Variants in SLFN12 observed in about 807,000 individuals in gnomAD.
SLFN12 encodes ribonuclease SLFN12.
A neutral mutation model predicts 29.1 loss-of-function variants in SLFN12; 25 were observed. That is an observed-to-expected ratio of 0.86 (90% CI 0.63 to 1.20). The LOEUF is 1.20. Among genes scored for constraint, SLFN12 ranks in the 50% most tolerant of loss-of-function variants. The probability of loss-of-function intolerance (pLI) is 0.00; values close to 1 mark genes in which losing one functional copy is unlikely to be tolerated. For missense variants in SLFN12, 660 were observed against 666.2 expected, an observed-to-expected ratio of 0.99 and a Z score of 0.10; for synonymous variants, 257 against 238.7, an observed-to-expected ratio of 1.08 and a Z score of -0.71.
intron 1 of SLFN12, among the ~76,000 whole-genome samples, chr17:35,425,201 G>A (rs139597045): frequency 6.6e-6 from 1 of 152,254 alleles, no homozygotes; most frequent in East Asian, 1.9e-4. Context: ...AAAGGCTGAG[G>A]TGGGAGGATC....
At chr17:35,421,898 G>A in intron 2 of SLFN12, 92 bp downstream of exon 2, 26 of 1,463,098 alleles carry the variant, frequency 1.8e-5, no homozygotes, top group Non-Finnish European at 2.4e-5. Context: ...GCTGAAATTT[G>A]AGGACTATTG....
intron 1 of SLFN12, among the ~76,000 whole-genome samples, chr17:35,428,195 G>A (rs763396589): frequency 1.9e-4 from 29 of 152,116 alleles, no homozygotes; most frequent in Non-Finnish European, 3.4e-4. Context: ...ACTGTATCAA[G>A]TGACAAAAAC....
chr17:35,431,856 A>G (rs568647868), intron 1 of SLFN12: 1 of 152,268 alleles, frequency 6.6e-6, no homozygotes, highest in East Asian at 1.9e-4. Flanking sequence ...GAAGAATTTA[A>G]CATAAGGAAA....
At chr17:35,414,346 A>T (rs1911200915) in intron 3 of SLFN12, among the ~76,000 whole-genome samples, 1 of 152,112 alleles carries the variant, frequency 6.6e-6, no homozygotes, top group African/African-American at 2.4e-5. Context: ...AAAGAAATCA[A>T]GAAAACACTC....
chr17:35,419,539 C>A (rs1197935054), intron 3 of SLFN12, among the ~76,000 whole-genome samples: 1 of 151,854 alleles, frequency 6.6e-6, no homozygotes, highest in East Asian at 1.9e-4. Context: ...CAATCAATAA[C>A]CAGGGAAATG....
At chr17:35,427,371 C>A (rs537882571) in intron 1 of SLFN12, among the ~76,000 whole-genome samples, 14 of 152,096 alleles carry the variant, frequency 9.2e-5, no homozygotes, top group Non-Finnish European at 1.9e-4. Context: ...TTTCTGACAT[C>A]ATTCCTGTCA....
chr17:35,421,965 C>T, intron 2 of SLFN12, 25 bp downstream of exon 2: 1 of 1,603,702 alleles, frequency 6.2e-7, no homozygotes, highest in Non-Finnish European at 8.5e-7. Context: ...AAATGCATTC[C>T]TGTTGCGAAT....
chr17:35,421,375 G>C (rs1383734459), intron 2 of SLFN12, among the ~76,000 whole-genome samples: 1 of 151,466 alleles, frequency 6.6e-6, no homozygotes, highest in African/African-American at 2.4e-5. Context: ...AGGATTAAAC[G>C]GGGTTTCCTT....
At position 35,422,961 on chromosome 17, in the gene SLFN12, A is replaced by G. The variant is rs867698547; in HGVS notation, c.68T>C (p.Leu23Pro). 4 of 1,613,622 alleles carry G rather than the reference A, an allele frequency of 2.5e-6. 1 individual carries two copies. The South Asian group carries it at 3.3e-5, about 13-fold the overall frequency. ...CATTTTTTTCCTACTGTTCTCTCCAAGAGTGACTCTTCCCACATCTAGAAC... is the reference window on the plus strand; with the variant it reads ...CATTTTTTTCCTACTGTTCTCTCCAGGAGTGACTCTTCCCACATCTAGAAC... ...ELVLDVGRVT[L>P]GENSRKKMKD... Residue 23 changes from leucine to proline, a missense_variant, in exon 2 of 4, where the codon CTT (leucine) becomes CCT (proline). Leu to Pro is a moderately conservative substitution (Grantham distance 98). Transcript: ENST00000304905.
Position 35,422,361 on chromosome 17 carries a change from G to T in SLFN12, c.668C>A (p.Pro223His). ...ATTTGCAAATGCAGAAACATATTGAGGGAGAATCTCTTTAATTCGTTGTAA... is the reference window on the plus strand; with the variant it reads ...ATTTGCAAATGCAGAAACATATTGATGGAGAATCTCTTTAATTCGTTGTAA... ...KLLQRIKEIL[P>H]QYVSAFANTD... The change falls in exon 2 of 4, where the codon CCT becomes CAT. Residue 223 changes from proline to histidine, a missense_variant. By Grantham distance (77) the Pro-to-His change is moderately conservative. Transcript: ENST00000304905. 1 of 1,613,966 alleles carries T rather than the reference G, an allele frequency of 6.2e-7. No homozygotes were observed. The highest frequency in any genetic ancestry group is 8.5e-7 in the Non-Finnish European group (1 of 1,179,988).
In SLFN12 at chr17:35,420,281, G is replaced by T. The variant is rs751925498; in HGVS notation, c.1140C>A (p.His380Gln). The T allele has an allele frequency of 1.9e-6, 3 of 1,610,438 alleles. No individual in the cohort carries two copies. The highest frequency in any genetic ancestry group is 3.3e-5 in the Admixed American group (2 of 59,934). ...PLLEWQRQRH[H>Q]CPGLSGRITY... ...AAGCCAGAATGAAATTACCTGGACAGTGATGTCTCTGCCGTTGCCATTCCA... is the reference window on the plus strand; with the variant it reads ...AAGCCAGAATGAAATTACCTGGACATTGATGTCTCTGCCGTTGCCATTCCA... Residue 380 changes from histidine to glutamine, a missense_variant, in exon 3 of 4, where the codon CAC becomes CAA. His to Gln is a conservative substitution (Grantham distance 24). Coordinates refer to ENST00000304905, the MANE Select transcript of SLFN12 (RefSeq NM_018042.5).
chr17:35,423,943 AC>A (rs1264182325), intron 1 of SLFN12, among the ~76,000 whole-genome samples: 15 of 152,256 alleles, frequency 9.9e-5, no homozygotes, highest in African/African-American at 2.9e-4. Context: ...CAGTGCTGGC[AC>A]CTTAATCTTA....
intron 1 of SLFN12, among the ~76,000 whole-genome samples, chr17:35,426,141 T>G (rs187559082): frequency 0.014 from 1,600 of 112,642 alleles, 29 homozygotes; most frequent in African/African-American, 0.068. Flanking sequence ...TTTTAATCTG[T>G]TTTTTTTTCT....
Position 35,411,585 on chromosome 17 carries a change from A to T in SLFN12, c.1490T>A (p.Ile497Asn). ...CATGCCTTCAGGGCTCAAGTAGAAGATCTTTGTCATGACACACACTTTTTT... is the reference window on the plus strand; with the variant it reads ...CATGCCTTCAGGGCTCAAGTAGAAGTTCTTTGTCATGACACACACTTTTTT... Reference protein sequence around the residue: ...YTKKVCVMTKIFYLSPEGMTS... With the variant: ...YTKKVCVMTKNFYLSPEGMTS... The change falls in exon 4 of 4, where the codon ATC becomes AAC. Residue 497 changes from isoleucine to asparagine, a missense_variant. By Grantham distance (149) the Ile-to-Asn change is moderately radical (BLOSUM62 -3). Transcript: ENST00000304905. 1 of 1,614,064 alleles carries T rather than the reference A, an allele frequency of 6.2e-7. No homozygotes were observed. Among genetic ancestry groups the T allele is most frequent in the Non-Finnish European group, 8.5e-7 (1 of 1,180,000 alleles).
intron 1 of SLFN12, among the ~76,000 whole-genome samples, chr17:35,429,332 C>T (rs1912184483): frequency 1.3e-5 from 2 of 152,154 alleles, no homozygotes; most frequent in South Asian, 4.2e-4. Flanking sequence ...TCACCCCAGT[C>T]CAACATCTGC....
At chr17:35,414,483 G>T (rs556987806) in intron 3 of SLFN12, among the ~76,000 whole-genome samples, 2 of 152,028 alleles carry the variant, frequency 1.3e-5, no homozygotes, top group African/African-American at 2.4e-5. Flanking sequence ...TGGAAAGATA[G>T]CTTGTGTTCA....
intron 3 of SLFN12, among the ~76,000 whole-genome samples, chr17:35,419,947 T>C (rs1372324779): frequency 6.6e-6 from 1 of 152,174 alleles, no homozygotes; most frequent in Non-Finnish European, 1.5e-5. Context: ...GTTTCTTCAG[T>C]AACTGAACAT....
At position 35,422,918 on chromosome 17, in the gene SLFN12, T is replaced by A. The variant is rs758650820; in HGVS notation, c.111A>T (p.Arg37Ser). The A allele has an allele frequency of 6.2e-7, 1 of 1,613,980 alleles. No individual in the cohort carries two copies. The highest frequency in any genetic ancestry group is 8.5e-7 in the Non-Finnish European group (1 of 1,179,996). ...GTGAGACACTTTCATTCTGCTTTTT[T>A]CTCAGTTTACAATCCTTCATTTTTT... is the stretch of plus-strand genomic sequence containing the variant. ...SRKKMKDCKL[R>S]KKQNESVSRA... The change falls in exon 2 of 4, where the codon AGA becomes AGT. Residue 37 changes from arginine to serine, a missense_variant. Transcript: ENST00000304905.
chr17:35,425,848 T>C (rs1228803113), intron 1 of SLFN12, among the ~76,000 whole-genome samples: 3 of 140,986 alleles, frequency 2.1e-5, no homozygotes, highest in Non-Finnish European at 3.1e-5. Context: ...CTTTTTTTTT[T>C]TTTTTTTTTT....
Sources: gnomAD v4.1 joint callset for allele counts (sites outside exome capture counted in the v4.1 genomes callset) on GRCh38, gnomAD v4.1.1 for gene constraint, MANE v1.5 for transcripts, NCBI Gene and HGNC (gene_info 2026-07-23, HGNC 2026-07-21) for gene names.